The following UBE3B variants were observed in gnomAD, a reference collection of about 807,000 sequenced individuals.
The protein encoded by UBE3B is ubiquitin-protein ligase E3B.
Under a neutral mutation model 132.3 loss-of-function variants are expected in UBE3B, and 80 were observed. The observed-to-expected ratio is 0.60, with a 90% confidence interval of 0.50 to 0.73. The LOEUF (loss-of-function observed/expected upper bound fraction) is 0.73, where lower values mean the gene tolerates loss of function less well. UBE3B is among the 30% of genes least tolerant of loss of function. The pLI is 0.00. For synonymous variants in UBE3B, 487 were observed against 520.4 expected, an observed-to-expected ratio of 0.94 and a Z score of 0.87; for missense variants, 1,196 against 1,362.5, an observed-to-expected ratio of 0.88 and a Z score of 1.92.
At chr12:109,537,485 A>G (rs75507630), downstream of UBE3B, among the ~76,000 whole-genome samples, 7,291 of 152,288 alleles carry the variant, frequency 0.048, 215 homozygotes, top group Non-Finnish European at 0.067. Flanking sequence ...GTTAGGATCC[A>G]GTCAGGAAAG....
rs569124778 is a variant in UBE3B at position 109,484,003 on chromosome 12, T to G, written c.282+22T>G. 2.5e-6 allele frequency: 4 copies of G among 1,590,956 alleles called. No homozygotes were observed. In the African/African-American group the frequency reaches 5.4e-5, roughly 21 times the overall value. On this transcript the variant is annotated intron_variant, in intron 4 of 27. Transcript: ENST00000342494. The stretch of plus-strand genomic sequence containing the variant: ...TGAGGTAAAACGATAATAGCAAACA[T>G]GTATAATACTTCCATATGTCAGATC...
intron 1 of UBE3B, among the ~76,000 whole-genome samples, chr12:109,480,944 C>A (rs923968179): frequency 6.6e-6 from 1 of 152,048 alleles, no homozygotes. Flanking sequence ...CCACAGGCAG[C>A]CCTTTATTCA....
chr12:109,543,954 G>A, the UBE3B span, among the ~76,000 whole-genome samples: 1 of 152,116 alleles, frequency 6.6e-6, no homozygotes, highest in Non-Finnish European at 1.5e-5. Flanking sequence ...ACATGTAGAC[G>A]ATGGGCCACC....
intron 1 of UBE3B, among the ~76,000 whole-genome samples, chr12:109,480,189 GT>G (rs3214387): frequency 3.0e-3 from 415 of 140,136 alleles, no homozygotes; most frequent in Admixed American, 4.1e-3. Flanking sequence ...CTGCTGAAGA[GT>G]TTTTTTTTTT....
At chr12:109,523,633 G>A (rs1881965474) in intron 21 of UBE3B, among the ~76,000 whole-genome samples, 1 of 152,204 alleles carries the variant, frequency 6.6e-6, no homozygotes, top group South Asian at 2.1e-4. Flanking sequence ...GCTTGGGGGT[G>A]CTGGTACTGT....
chr12:109,547,055 A>G, the UBE3B span, among the ~76,000 whole-genome samples: 5,614 of 151,974 alleles, frequency 0.037, 378 homozygotes, highest in African/African-American at 0.13. This position sits in a 1 kb window ranked among gnomAD's most constrained non-coding sequence, Gnocchi z 4.1. Flanking sequence ...GGAGAAACCA[A>G]TAAGATAATT....
In UBE3B at chr12:109,483,990, A is replaced by G. The variant is rs1176526217; in HGVS notation, c.282+9A>G. The stretch of plus-strand genomic sequence containing the variant: ...TCAAAGAGGATAATGAGGTAAAACG[A>G]TAATAGCAAACATGTATAATACTTC... On this transcript the variant is annotated intron_variant, in intron 4 of 27. Transcript: ENST00000342494. The G allele has an allele frequency of 2.5e-6, 4 of 1,607,018 alleles. No homozygotes were observed. The highest frequency in any genetic ancestry group is 3.4e-5 in the Admixed American group (2 of 58,948).
At chr12:109,527,503 T>C (rs995875506) in intron 24 of UBE3B, among the ~76,000 whole-genome samples, 1 of 152,224 alleles carries the variant, frequency 6.6e-6, no homozygotes, top group African/African-American at 2.4e-5. Flanking sequence ...CGCAGTCCAG[T>C]GTTCCCAAGC....
intron 21 of UBE3B, among the ~76,000 whole-genome samples, chr12:109,523,261 G>A (rs1881924357): frequency 6.6e-6 from 1 of 152,134 alleles, no homozygotes; most frequent in Non-Finnish European, 1.5e-5. Context: ...GTTTTCCCCT[G>A]GCAGCATGCC....
At chr12:109,506,879 C>T (rs990618436) in intron 14 of UBE3B, among the ~76,000 whole-genome samples, 1 of 152,224 alleles carries the variant, frequency 6.6e-6, no homozygotes, top group East Asian at 1.9e-4. Flanking sequence ...AGCCTAGCTT[C>T]AATCAATCAC....
chr12:109,538,803 C>T (rs1278057444), downstream of UBE3B, among the ~76,000 whole-genome samples: 3 of 152,210 alleles, frequency 2.0e-5, no homozygotes, highest in South Asian at 2.1e-4. The surrounding 1 kb of genome is among the most constrained non-coding windows in gnomAD (Gnocchi z 4.1). Context: ...TCTGAGGAAT[C>T]GTCTGAGTAG....
intron 8 of UBE3B, 159 bp downstream of exon 8, chr12:109,490,163 G>A (rs1383606970): frequency 1.1e-6 from 1 of 888,906 alleles, no homozygotes; most frequent in East Asian, 2.6e-5. Context: ...CCCCTGCCTT[G>A]TCTCACTTGT....
intron 22 of UBE3B, 94 bp from the exon 23 acceptor site, chr12:109,524,344 C>G: frequency 6.8e-7 from 1 of 1,480,852 alleles, no homozygotes; most frequent in Non-Finnish European, 9.2e-7. Flanking sequence ...CATGGGTGTT[C>G]CCAGCACCAA....
intron 14 of UBE3B, 150 bp downstream of exon 14, chr12:109,503,340 C>A: frequency 1.0e-6 from 1 of 998,994 alleles, no homozygotes; most frequent in Non-Finnish European, 1.4e-6. Flanking sequence ...GAGATTAGTC[C>A]ACCTCAGTTA....
chr12:109,499,758 C>G lies in UBE3B; in HGVS notation c.1066C>G (p.Leu356Val). Residue 356 changes from leucine to valine, a missense_variant, in exon 12 of 28, where the codon CTG (leucine) becomes GTG (valine). Transcript: ENST00000342494. ...RKYVSQKKSN[L>V]THWHPVLGWF... ...GTATGTGTCTCAGAAGAAGTCCAAC[C>G]TGACCCACTGGCATCCTGTCCTTGG... 6.2e-7 allele frequency: 1 copy of G among 1,611,936 alleles called. No homozygotes were observed. Among genetic ancestry groups the G allele is most frequent in the Non-Finnish European group, 8.5e-7 (1 of 1,178,876 alleles).
intron 7 of UBE3B, among the ~76,000 whole-genome samples, chr12:109,489,522 G>A (rs1369349215): frequency 1.3e-5 from 2 of 152,190 alleles, no homozygotes; most frequent in African/African-American, 2.4e-5. Context: ...CCTCTTGGGG[G>A]GAACCCAAAA....
chr12:109,531,698 G>A (rs944653163), intron 26 of UBE3B, among the ~76,000 whole-genome samples: 40 of 152,180 alleles, frequency 2.6e-4, no homozygotes, highest in African/African-American at 9.2e-4. Context: ...ATCCCCACAG[G>A]TCTCCGGGGA....
chr12:109,534,319 A>AT lies in UBE3B; in HGVS notation c.3016-270dup. 1 of 1,401,250 alleles carries AT rather than the reference A, an allele frequency of 7.1e-7. No individual in the cohort carries two copies. The highest frequency in any genetic ancestry group is 9.2e-7 in the Non-Finnish European group (1 of 1,081,990). 86.8% of individuals were successfully genotyped at this position (1,401,250 alleles called of 1,614,324 possible). On this transcript the variant is annotated intron_variant, in intron 27 of 27. Transcript: ENST00000342494. The surrounding 1 kb of genome is among the most constrained non-coding windows in gnomAD (Gnocchi z 5.2). ...CTTTTTGTCAATTGGTTAACCAGTA[A>AT]TTCGCTGTGAACCGGAAGGCCCCAT...
the UBE3B span, among the ~76,000 whole-genome samples, chr12:109,545,842 G>C: frequency 6.6e-6 from 1 of 152,132 alleles, no homozygotes; most frequent in African/African-American, 2.4e-5. Context: ...CTAGAGCCCT[G>C]GTCTCCCCAA....
Sources: allele counts gnomAD v4.1 joint callset (sites outside exome capture counted in the v4.1 genomes callset), GRCh38; gene constraint gnomAD v4.1.1; non-coding constraint Gnocchi (gnomAD v3.1); transcripts MANE v1.5; gene names NCBI Gene and HGNC (gene_info 2026-07-23, HGNC 2026-07-21).